Variants in GPR137C observed in about 807,000 individuals in gnomAD.
GPR137C encodes G protein-coupled receptor 137C, also known as integral membrane protein GPR137C.
A neutral mutation model predicts 43.4 loss-of-function variants in GPR137C; 27 were observed. The observed-to-expected ratio is 0.62, with a 90% CI of 0.46 to 0.86. GPR137C has a LOEUF of 0.86. Among genes scored for constraint, GPR137C ranks in the 40% least tolerant of loss-of-function variants. The pLI, the probability that GPR137C is intolerant of heterozygous loss-of-function variation, is 0.00. For missense variants in GPR137C, 522 were observed against 534.6 expected, an observed-to-expected ratio of 0.98 and a Z score of 0.23; for synonymous variants, 285 against 226.9, an observed-to-expected ratio of 1.26 and a Z score of -2.30.
At chr14:52,595,573 T>G (rs1275084752) in intron 1 of GPR137C, among the ~76,000 whole-genome samples, 1 of 152,216 alleles carries the variant, frequency 6.6e-6, no homozygotes, top group Non-Finnish European at 1.5e-5. Context: ...TAATTTATCT[T>G]GAATCACTGA....
chr14:52,609,926 T>C (rs1487846000), intron 3 of GPR137C, among the ~76,000 whole-genome samples: 1 of 152,220 alleles, frequency 6.6e-6, no homozygotes, highest in African/African-American at 2.4e-5. Flanking sequence ...CACTCTCCTC[T>C]TCCTTTTCTA....
Position 52,558,275 on chromosome 14 carries a change from T to C in GPR137C, c.444+4684T>C, listed in dbSNP as rs1249950596. The stretch of plus-strand genomic sequence containing the variant: ...GGCTGTGCCTTGCAGTGAGGTCTTA[T>C]AAAAGACTTCATCCCCTCCAGCATA... On this transcript the variant is annotated intron_variant, in intron 1 of 6. Coordinates refer to ENST00000321662, the MANE Select transcript of GPR137C (RefSeq NM_001099652.2). Among the ~76,000 whole-genome samples the C allele has an allele frequency of 5.3e-5, 8 of 152,228 alleles. No homozygotes were observed. The Middle Eastern group carries it at 0.01, about 194-fold the overall frequency.
chr14:52,598,425 C>A, intron 2 of GPR137C, 110 bp downstream of exon 2: 2 of 461,168 alleles, frequency 4.3e-6, no homozygotes, highest in South Asian at 1.1e-4. Flanking sequence ...GTAGACTTCT[C>A]GTGGTAGAAG....
intron 3 of GPR137C, among the ~76,000 whole-genome samples, chr14:52,619,358 C>G (rs1411190541): frequency 2.0e-5 from 3 of 152,064 alleles, no homozygotes; most frequent in Non-Finnish European, 4.4e-5. Flanking sequence ...ACCGCATTAT[C>G]CCCTGTAATA....
intron 3 of GPR137C, among the ~76,000 whole-genome samples, chr14:52,602,782 T>G (rs1039642273): frequency 2.6e-5 from 4 of 152,198 alleles, no homozygotes; most frequent in South Asian, 4.1e-4. Context: ...TATCAGTTTA[T>G]ACAAAGTGGC....
chr14:52,577,516 GCACACA>G lies in GPR137C; in HGVS notation c.445-20736_445-20731del, dbSNP rs3064748. ...CAAACATGCACGCGTGCGCGCGCGC[GCACACA>G]CACACACACACACACACACGATCAA... On this transcript the variant is annotated intron_variant, in intron 1 of 6. Coordinates refer to ENST00000321662, the MANE Select transcript of GPR137C (RefSeq NM_001099652.2). 7.6e-4 allele frequency among the ~76,000 whole-genome samples: 110 copies of G among 145,504 alleles called. No individual in the cohort carries two copies. In the Middle Eastern group the frequency reaches 0.014, roughly 19 times the overall value.
At chr14:52,597,586 G>A (rs1471056323) in intron 1 of GPR137C, among the ~76,000 whole-genome samples, 1 of 152,150 alleles carries the variant, frequency 6.6e-6, no homozygotes, top group Admixed American at 6.5e-5. Flanking sequence ...TTTTGGAATA[G>A]CTGTATAAAA....
chr14:52,629,898 T>C (rs908236622), intron 3 of GPR137C, among the ~76,000 whole-genome samples: 2 of 152,216 alleles, frequency 1.3e-5, no homozygotes, highest in Admixed American at 6.5e-5. Flanking sequence ...TAACTCTTTT[T>C]CACTTATCAA....
At chr14:52,559,848 A>G (rs1050406427) in intron 1 of GPR137C, among the ~76,000 whole-genome samples, 1 of 152,216 alleles carries the variant, frequency 6.6e-6, no homozygotes, top group African/African-American at 2.4e-5. Flanking sequence ...GCAGAAAACA[A>G]TTAGAAAAAT....
chr14:52,569,571 A>G (rs956717003), intron 1 of GPR137C, among the ~76,000 whole-genome samples: 1 of 152,012 alleles, frequency 6.6e-6, no homozygotes, highest in Non-Finnish European at 1.5e-5. Flanking sequence ...ATTGCTAGCC[A>G]GAATAACCAG....
chr14:52,590,813 A>G (rs1423216974), intron 1 of GPR137C, among the ~76,000 whole-genome samples: 2 of 151,980 alleles, frequency 1.3e-5, no homozygotes, highest in Non-Finnish European at 2.9e-5. Context: ...ACACTGACAC[A>G]TTGTGCTTTT....
chr14:52,626,792 CAA>C (rs1196569820), intron 3 of GPR137C, among the ~76,000 whole-genome samples: 2 of 151,976 alleles, frequency 1.3e-5, no homozygotes, highest in African/African-American at 4.8e-5. Flanking sequence ...AAAATACAAA[CAA>C]ATTGTATTTT....
At chr14:52,633,389 C>T in intron 4 of GPR137C, 141 bp from the exon 5 acceptor site, 1 of 611,918 alleles carries the variant, frequency 1.6e-6, no homozygotes, top group Non-Finnish European at 2.7e-6. Flanking sequence ...CATGAGAAAC[C>T]ACAAAATATA....
chr14:52,610,855 C>T (rs548477449), intron 3 of GPR137C, among the ~76,000 whole-genome samples: 2 of 152,296 alleles, frequency 1.3e-5, no homozygotes, highest in African/African-American at 4.8e-5. Flanking sequence ...AGGATTCAAA[C>T]TCAAGTCTGA....
chr14:52,615,268 G>A (rs543861812), intron 3 of GPR137C, among the ~76,000 whole-genome samples: 1 of 152,262 alleles, frequency 6.6e-6, no homozygotes, highest in East Asian at 1.9e-4. Context: ...CACTATAGGT[G>A]TGTGGATTGG....
chr14:52,611,711 CA>C (rs1022453960), intron 3 of GPR137C: 1 of 397,704 alleles, frequency 2.5e-6, no homozygotes, highest in Non-Finnish European at 3.4e-6. Context: ...AGTAATAACT[CA>C]AGGTCTAGAG....
At position 52,637,113 on chromosome 14, in the gene GPR137C, T is replaced by C. The variant is rs1319105896; in HGVS notation, c.*1998T>C. ...AACTTGGTTCTTTCTGCTGCATTAG[T>C]TGATTGTTCCAAATTTGAGGTTTGT... On this transcript the variant is annotated 3_prime_UTR_variant, in exon 7 of 7. Coordinates refer to ENST00000321662, the MANE Select transcript of GPR137C (RefSeq NM_001099652.2). 4 of 152,158 alleles carry C rather than the reference T, an allele frequency of 2.6e-5. No homozygotes were observed. The highest frequency in any genetic ancestry group is 5.9e-5 in the Non-Finnish European group (4 of 67,996). 9.4% of individuals were successfully genotyped at this position (152,158 alleles called of 1,614,324 possible). A position where few individuals can be genotyped will look rare whatever the true frequency, so the allele number is the denominator to read the frequency against.
At chr14:52,563,448 C>T (rs191871480) in intron 1 of GPR137C, among the ~76,000 whole-genome samples, 1 of 152,262 alleles carries the variant, frequency 6.6e-6, no homozygotes, top group East Asian at 1.9e-4. Context: ...TCAACATGAT[C>T]TTTCTTCCTC....
chr14:52,572,323 A>G, intron 1 of GPR137C, among the ~76,000 whole-genome samples: 1 of 152,248 alleles, frequency 6.6e-6, no homozygotes, highest in Admixed American at 6.5e-5. Context: ...AATATCCCTG[A>G]TGAACATCAA....
Sources: allele counts gnomAD v4.1 joint callset (sites outside exome capture counted in the v4.1 genomes callset), GRCh38; gene constraint gnomAD v4.1.1; transcripts MANE v1.5; gene names NCBI Gene and HGNC (gene_info 2026-07-23, HGNC 2026-07-21).